The following SYN2 variants were observed in gnomAD, a reference collection of about 807,000 sequenced individuals.
SYN2 encodes the protein synapsin-2.
In SYN2, 19 loss-of-function variants were observed where a neutral mutation model predicts 50.9. The observed-to-expected ratio is 0.37, with a 90% CI of 0.26 to 0.55. SYN2 has a LOEUF of 0.55. SYN2 is among the 20% of genes least tolerant of loss of function. The probability of loss-of-function intolerance (pLI) is 0.81; values close to 1 mark genes in which losing one functional copy is unlikely to be tolerated. For missense variants in SYN2, 587 were observed against 576.4 expected (o/e 1.02, Z -0.19); for synonymous variants, 255 against 224.9 (o/e 1.13, Z -1.20).
At chr3:12,076,597 G>A (rs1234239627) in intron 1 of SYN2, among the ~76,000 whole-genome samples, 1 of 151,706 alleles carries the variant, frequency 6.6e-6, no homozygotes, top group East Asian at 1.9e-4. Flanking sequence ...TAATACCTAC[G>A]TTTTTATCAG....
intron 1 of SYN2, among the ~76,000 whole-genome samples, chr3:12,135,185 G>A (rs1241121256): frequency 1.3e-5 from 2 of 152,216 alleles, no homozygotes; most frequent in East Asian, 3.8e-4. Flanking sequence ...TGAGTGGTGA[G>A]CTGTGACTGC....
At chr3:12,119,869 G>A (rs1331599377) in intron 1 of SYN2, among the ~76,000 whole-genome samples, 1 of 152,014 alleles carries the variant, frequency 6.6e-6, no homozygotes, top group Non-Finnish European at 1.5e-5. Flanking sequence ...TTTTTATACA[G>A]TGTCAACCCC....
chr3:12,126,330 A>G (rs1490575290), intron 1 of SYN2, among the ~76,000 whole-genome samples: 1 of 152,192 alleles, frequency 6.6e-6, no homozygotes, highest in Non-Finnish European at 1.5e-5. Flanking sequence ...TGTCTGCCAT[A>G]TGTATATTCT....
At chr3:12,072,656 T>A (rs1695382683) in intron 1 of SYN2, among the ~76,000 whole-genome samples, 1 of 152,136 alleles carries the variant, frequency 6.6e-6, no homozygotes, top group South Asian at 2.1e-4. Context: ...TATTTCTGGG[T>A]TTCTCCTATT....
chr3:12,077,318 T>G (rs933108970), intron 1 of SYN2, among the ~76,000 whole-genome samples: 1 of 151,870 alleles, frequency 6.6e-6, no homozygotes, highest in Admixed American at 6.6e-5. Context: ...TAAAAAAAAA[T>G]TATTTTTCTT....
intron 1 of SYN2, among the ~76,000 whole-genome samples, chr3:12,137,773 C>G (rs989047325): frequency 9.2e-5 from 14 of 152,060 alleles, no homozygotes; most frequent in Non-Finnish European, 1.9e-4. Flanking sequence ...GCAGGTATAG[C>G]CACACATTTT....
At chr3:12,070,643 C>G in intron 1 of SYN2, 10 of 1,356,408 alleles carry the variant, frequency 7.4e-6, no homozygotes, top group African/African-American at 1.5e-5. Context: ...ACGTGGCCAT[C>G]CAGGCCATGC....
At position 12,145,758 on chromosome 3, in the gene SYN2, A is replaced by G. The variant is rs764483902; in HGVS notation, c.607A>G (p.Ile203Val). Residue 203 changes from isoleucine to valine, a missense_variant, in exon 4 of 13, where the codon ATT becomes GTT. Physicochemically the swap from Ile to Val is conservative, Grantham distance 29. Coordinates refer to ENST00000621198, the MANE Select transcript of SYN2 (RefSeq NM_133625.6). The part of the protein sequence containing the change: ...AENEDFRHLI[I>V]GMQYAGLPSI... Reference sequence around the variant, plus strand: ...GAATGAGGACTTCCGCCACCTGATCATTGGTATGCAGTATGCAGGCCTCCC... The same window carrying G: ...GAATGAGGACTTCCGCCACCTGATCGTTGGTATGCAGTATGCAGGCCTCCC... The G allele has an allele frequency of 9.9e-6, 16 of 1,614,014 alleles. No individual in the cohort carries two copies. Among genetic ancestry groups the G allele is most frequent in the Non-Finnish European group, 1.4e-5 (16 of 1,179,886 alleles).
intron 1 of SYN2, among the ~76,000 whole-genome samples, chr3:12,114,080 C>T (rs1458321013): frequency 6.6e-6 from 1 of 151,236 alleles, no homozygotes; most frequent in East Asian, 1.9e-4. Flanking sequence ...TTTCCACAAG[C>T]TTGCCACCAC....
chr3:12,150,378 C>T (rs559580391), intron 4 of SYN2, among the ~76,000 whole-genome samples: 3 of 152,258 alleles, frequency 2.0e-5, no homozygotes, highest in African/African-American at 7.2e-5. Context: ...CAGCTACTTG[C>T]AGGAATAAGG....
chr3:12,080,308 C>T (rs1462189188), intron 1 of SYN2, among the ~76,000 whole-genome samples: 35 of 149,962 alleles, frequency 2.3e-4, no homozygotes, highest in Admixed American at 2.3e-3. Flanking sequence ...CTTCTTCAGT[C>T]CCACTCTGAG....
chr3:12,038,465 G>A (rs995374429), intron 1 of SYN2, among the ~76,000 whole-genome samples: 5 of 152,210 alleles, frequency 3.3e-5, no homozygotes, highest in South Asian at 2.1e-4. Flanking sequence ...TGCAAAAAAG[G>A]CAGCTGAAAT....
intron 5 of SYN2, chr3:12,153,191 C>G: frequency 4.9e-6 from 2 of 408,752 alleles, no homozygotes; most frequent in East Asian, 4.9e-5. Flanking sequence ...CCTACCAGAT[C>G]GATTAAGACA....
Position 12,190,537 on chromosome 3 carries a change from T to C in SYN2, c.1661T>C (p.Phe554Ser), listed in dbSNP as rs369827266. Residue 554 changes from phenylalanine (F) to serine (S), a missense_variant, in exon 13 of 13, where the codon TTC becomes TCC. Transcript: ENST00000621198. ...GCCTTCAGCTTCTCTGAGTCCTCCT[T>C]CTTCCGGTCTTCAGCCAATGAGGAT... ...TNAFSFSESS[F>S]FRSSANEDEA... The C allele has an allele frequency of 8.1e-6, 13 of 1,613,796 alleles. No individual in the cohort carries two copies. The highest frequency in any genetic ancestry group is 1.6e-4 in the Middle Eastern group (1 of 6,062).
At chr3:12,076,205 A>G (rs567229974) in intron 1 of SYN2, among the ~76,000 whole-genome samples, 2 of 152,188 alleles carry the variant, frequency 1.3e-5, no homozygotes, top group South Asian at 2.1e-4. Context: ...TGGGGAGGCT[A>G]ATGAAATAAT....
intron 1 of SYN2, among the ~76,000 whole-genome samples, chr3:12,110,577 C>T (rs1696288544): frequency 6.6e-6 from 1 of 152,252 alleles, no homozygotes; most frequent in African/African-American, 2.4e-5. Context: ...CAGACTTCTT[C>T]CTGGACATCT....
At chr3:12,154,317 A>G in intron 5 of SYN2, 2 of 1,614,208 alleles carry the variant, frequency 1.2e-6, no homozygotes, top group African/African-American at 2.7e-5. Flanking sequence ...GGAAATGGAC[A>G]TTCCCTTACT....
chr3:12,095,116 A>G (rs1464288165), intron 1 of SYN2, among the ~76,000 whole-genome samples: 2 of 152,134 alleles, frequency 1.3e-5, no homozygotes, highest in Non-Finnish European at 2.9e-5. Context: ...GACGAAAGCC[A>G]AAGGAAGAAA....
chr3:12,115,327 T>G (rs942433368), intron 1 of SYN2, among the ~76,000 whole-genome samples: 9 of 152,188 alleles, frequency 5.9e-5, no homozygotes, highest in African/African-American at 1.7e-4. Context: ...TCACTCAGAT[T>G]CTGCTGCATG....
Sources: allele counts gnomAD v4.1 joint callset (sites outside exome capture counted in the v4.1 genomes callset), GRCh38; gene constraint gnomAD v4.1.1; transcripts MANE v1.5; gene names NCBI Gene and HGNC (gene_info 2026-07-23, HGNC 2026-07-21).